Variants in TMEM71 observed in about 807,000 individuals in gnomAD.
The protein encoded by TMEM71 is transmembrane protein 71.
In TMEM71, 44 loss-of-function variants were observed where a neutral mutation model predicts 38.0. The ratio of observed to expected loss-of-function variants is 1.16; its 90% CI spans 0.91 to 1.49. The LOEUF is 1.49. TMEM71 is among the 40% of genes most tolerant of loss of function. The pLI is 0.00. For synonymous variants in TMEM71, 133 were observed against 122.5 expected (o/e 1.09, Z -0.56); for missense variants, 367 against 348.6 (o/e 1.05, Z -0.42).
chr8:132,773,135 G>A, the TMEM71 span, among the ~76,000 whole-genome samples: 2 of 152,140 alleles, frequency 1.3e-5, no homozygotes, highest in African/African-American at 4.8e-5. Flanking sequence ...CATGACCTGG[G>A]GCAATTCTTC....
chr8:132,711,118 C>A, intron 9 of TMEM71, 136 bp from the exon 10 acceptor site: 1 of 775,622 alleles, frequency 1.3e-6, no homozygotes. Context: ...CCTGAATTAT[C>A]ACAACTAGGA....
At chr8:132,744,274 C>A (rs749523894) in intron 5 of TMEM71, among the ~76,000 whole-genome samples, 1 of 152,184 alleles carries the variant, frequency 6.6e-6, no homozygotes, top group Non-Finnish European at 1.5e-5. Flanking sequence ...GAGCACCAGA[C>A]ATTGAACTAT....
intron 5 of TMEM71, among the ~76,000 whole-genome samples, chr8:132,732,987 C>T (rs1827544806): frequency 6.6e-6 from 1 of 152,172 alleles, no homozygotes. Flanking sequence ...TCATTAGAGT[C>T]CTTTCGACAA....
At chr8:132,741,631 C>G (rs556188281) in intron 5 of TMEM71, among the ~76,000 whole-genome samples, 1 of 151,946 alleles carries the variant, frequency 6.6e-6, no homozygotes, top group South Asian at 2.1e-4. Context: ...AAGAGAAAGA[C>G]AGCTTATGCC....
At chr8:132,716,604 G>C (rs1421866317) in intron 7 of TMEM71, among the ~76,000 whole-genome samples, 1 of 152,006 alleles carries the variant, frequency 6.6e-6, no homozygotes, top group Non-Finnish European at 1.5e-5. Context: ...ATATACATAC[G>C]GTATATGCAA....
intron 5 of TMEM71, among the ~76,000 whole-genome samples, chr8:132,746,440 C>CATATATATATACATATAT (rs1554619177): frequency 6.7e-5 from 1 of 15,034 alleles, no homozygotes; most frequent in African/African-American, 1.4e-4. Flanking sequence ...TATATATATA[C>CATATATATATACATATAT]ATATACATAT....
At chr8:132,740,448 G>T (rs1827976045) in intron 5 of TMEM71, among the ~76,000 whole-genome samples, 1 of 151,960 alleles carries the variant, frequency 6.6e-6, no homozygotes, top group African/African-American at 2.4e-5. Flanking sequence ...TTTATTTATT[G>T]TCTATCTCCC....
downstream of TMEM71, among the ~76,000 whole-genome samples, chr8:132,707,572 C>T (rs535778719): frequency 1.3e-5 from 2 of 152,106 alleles, no homozygotes; most frequent in South Asian, 2.1e-4. Context: ...GAGTTTGGCC[C>T]CTTTCCTCCC....
At chr8:132,764,367 T>G (rs2131227559), upstream of TMEM71, among the ~76,000 whole-genome samples, 1 of 152,120 alleles carries the variant, frequency 6.6e-6, no homozygotes, top group African/African-American at 2.4e-5. Flanking sequence ...TCACTTGGCC[T>G]CTCTCCAATA....
intron 4 of TMEM71, among the ~76,000 whole-genome samples, chr8:132,751,491 T>C (rs771102207): frequency 3.3e-5 from 5 of 152,262 alleles, no homozygotes; most frequent in Non-Finnish European, 5.9e-5. Flanking sequence ...TATTATTTCA[T>C]TGCTTTCATT....
intron 5 of TMEM71, among the ~76,000 whole-genome samples, chr8:132,728,874 A>G (rs1827298564): frequency 6.6e-6 from 1 of 152,242 alleles, no homozygotes; most frequent in Non-Finnish European, 1.5e-5. Context: ...ATCTTGTGAT[A>G]AGTGTCATGA....
intron 4 of TMEM71, among the ~76,000 whole-genome samples, chr8:132,749,052 C>G (rs1263442659): frequency 1.3e-5 from 2 of 152,134 alleles, no homozygotes; most frequent in African/African-American, 4.8e-5. Flanking sequence ...ACACAGAAAG[C>G]AATCAATAAA....
chr8:132,742,941 G>A lies in TMEM71; in HGVS notation c.487+4001C>T, dbSNP rs891427827. Among the ~76,000 whole-genome samples the A allele has an allele frequency of 6.6e-5, 10 of 152,194 alleles. 1 individual carries two copies. Among genetic ancestry groups the A allele is most frequent in the Non-Finnish European group, 1.5e-4 (10 of 68,040 alleles). ...GATCAAATCACGTCTTACATGGATG[G>A]CAGCAGGGAAAGAGAGAGCTCGTGC... is the stretch of plus-strand genomic sequence containing the variant. On this transcript the variant is annotated intron_variant, in intron 5 of 9. Transcript: ENST00000677595.
chr8:132,722,792 T>C lies in TMEM71; in HGVS notation c.677-677A>G, dbSNP rs1258077934. Among the ~76,000 whole-genome samples, 4 of 152,320 alleles carry C rather than the reference T, an allele frequency of 2.6e-5. No individual in the cohort carries two copies. The South Asian group carries it at 6.2e-4, about 24-fold the overall frequency. ...ATTTGTCTTTGAAAACTCTTTGCAA[T>C]CAGTACAATATTTCAGTACTGCCAA... On this transcript the variant is annotated intron_variant, in intron 6 of 9. Transcript: ENST00000677595.
chr8:132,734,418 G>A (rs1034731993), intron 5 of TMEM71, among the ~76,000 whole-genome samples: 2 of 152,138 alleles, frequency 1.3e-5, no homozygotes, highest in South Asian at 2.1e-4. Flanking sequence ...GAACTTCCAC[G>A]GCTAATTATG....
chr8:132,732,947 G>T (rs1827542681), intron 5 of TMEM71, among the ~76,000 whole-genome samples: 1 of 152,170 alleles, frequency 6.6e-6, no homozygotes, highest in Admixed American at 6.5e-5. Flanking sequence ...GTCATTGAGA[G>T]AGCTGACCTA....
At chr8:132,726,542 C>T (rs1158196286) in intron 6 of TMEM71, among the ~76,000 whole-genome samples, 4 of 152,130 alleles carry the variant, frequency 2.6e-5, no homozygotes, top group African/African-American at 9.7e-5. Context: ...TGATCCTCTC[C>T]ATGTAGAGAT....
chr8:132,746,400 CAT>C (rs1222340698), intron 5 of TMEM71, among the ~76,000 whole-genome samples: 15 of 16,190 alleles, frequency 9.3e-4, no homozygotes, highest in Admixed American at 1.9e-3. Context: ...TATATATATA[CAT>C]ATATATATAC....
upstream of TMEM71, among the ~76,000 whole-genome samples, chr8:132,764,460 G>T (rs1829339591): frequency 6.6e-6 from 1 of 152,126 alleles, no homozygotes; most frequent in Non-Finnish European, 1.5e-5. Context: ...ATCAGTGCTT[G>T]CCCTTGCTCC....
Sources: gnomAD v4.1 joint callset for allele counts (sites outside exome capture counted in the v4.1 genomes callset) on GRCh38, gnomAD v4.1.1 for gene constraint, MANE v1.5 for transcripts, NCBI Gene and HGNC (gene_info 2026-07-23, HGNC 2026-07-21) for gene names.